The following GOLGA4 variants were observed in gnomAD, a reference collection of about 807,000 sequenced individuals.
The protein encoded by GOLGA4 is golgin subfamily A member 4.
A neutral mutation model predicts 265.9 loss-of-function variants in GOLGA4; 169 were observed. The ratio of observed to expected loss-of-function variants is 0.64; its 90% confidence interval spans 0.56 to 0.72. The LOEUF (loss-of-function observed/expected upper bound fraction) is 0.72, where lower values mean the gene tolerates loss of function less well. Among genes scored for constraint, GOLGA4 ranks in the 30% least tolerant of loss-of-function variants. The probability of loss-of-function intolerance (pLI) is 0.00; values close to 1 mark genes in which losing one functional copy is unlikely to be tolerated. For missense variants in GOLGA4, 2,482 were observed against 2,483.4 expected, an observed-to-expected ratio of 1.00 and a Z score of 0.01; for synonymous variants, 923 against 855.8, an observed-to-expected ratio of 1.08 and a Z score of -1.37.
At chr3:37,244,881 T>C (rs1451543155) in intron 1 of GOLGA4, among the ~76,000 whole-genome samples, 2 of 152,196 alleles carry the variant, frequency 1.3e-5, no homozygotes, top group Admixed American at 1.3e-4. Context: ...CAAAACACTG[T>C]TAATTAAGAA....
chr3:37,334,325 A>C (rs1305335130), intron 16 of GOLGA4, among the ~76,000 whole-genome samples: 1 of 152,222 alleles, frequency 6.6e-6, no homozygotes, highest in South Asian at 2.1e-4. Flanking sequence ...GTTTGAGACA[A>C]AGGAAGTCAT....
rs1000981131 is a variant in GOLGA4, at chr3:37,252,191, C to T, written c.162+707C>T. 3.9e-5 allele frequency among the ~76,000 whole-genome samples: 6 copies of T among 151,990 alleles called. No individual in the cohort carries two copies. The South Asian group carries it at 8.3e-4, about 21-fold the overall frequency. On this transcript the variant is annotated intron_variant, in intron 2 of 23. Transcript: ENST00000361924. ...AAAAAGAAGGTAAAACATAAATGCA[C>T]GGGTCAGCAAATTATCATGAAGTGA... is the stretch of plus-strand genomic sequence containing the variant.
intron 12 of GOLGA4, among the ~76,000 whole-genome samples, chr3:37,320,665 AG>A (rs765799661): frequency 9.8e-5 from 15 of 152,362 alleles, no homozygotes; most frequent in Non-Finnish European, 1.9e-4. Context: ...AAGAAAGTTA[AG>A]GAACAAAGTG....
chr3:37,354,454 AGCTTATGGGT>A (rs2097084673), intron 21 of GOLGA4, among the ~76,000 whole-genome samples: 1 of 151,980 alleles, frequency 6.6e-6, no homozygotes, highest in South Asian at 2.1e-4. Flanking sequence ...ATTTTCCAGG[AGCTTATGGGT>A]GACAGTCTGA....
At chr3:37,365,026 G>A (rs896845292) in intron 23 of GOLGA4, among the ~76,000 whole-genome samples, 1 of 152,082 alleles carries the variant, frequency 6.6e-6, no homozygotes, top group Non-Finnish European at 1.5e-5. Context: ...CTCCTGAGTA[G>A]CTGGGACTAC....
rs569717525 is a variant in GOLGA4 at position 37,254,488 on chromosome 3, G to C, written c.162+3004G>C. Among the ~76,000 whole-genome samples, 3 of 151,962 alleles carry C rather than the reference G, an allele frequency of 2.0e-5. No homozygotes were observed. In the East Asian group the frequency reaches 5.8e-4, roughly 29 times the overall value. ...TTTTAATTGTTTTGTTTTAAAGATT[G>C]TTTTAATTAATTAAAAAATTAATTG... On this transcript the variant is annotated intron_variant, in intron 2 of 23. Transcript: ENST00000361924.
chr3:37,301,759 A>AT (rs1311394338), intron 9 of GOLGA4, among the ~76,000 whole-genome samples: 1 of 151,758 alleles, frequency 6.6e-6, no homozygotes, highest in African/African-American at 2.4e-5. Context: ...AAGAAATATC[A>AT]TTTTTTCTGC....
intron 1 of GOLGA4, among the ~76,000 whole-genome samples, chr3:37,251,113 A>G (rs2096732480): frequency 6.6e-6 from 1 of 152,158 alleles, no homozygotes; most frequent in Admixed American, 6.5e-5. Flanking sequence ...ATCTTACACT[A>G]GTATCGCAAC....
chr3:37,357,801 T>C (rs922481177), intron 22 of GOLGA4, among the ~76,000 whole-genome samples: 4 of 152,210 alleles, frequency 2.6e-5, no homozygotes, highest in African/African-American at 9.6e-5. Context: ...AAAACACAGG[T>C]ATGAAAATGA....
At chr3:37,339,151 C>T (rs796538085) in intron 19 of GOLGA4, among the ~76,000 whole-genome samples, 13 of 152,246 alleles carry the variant, frequency 8.5e-5, no homozygotes, top group South Asian at 4.1e-4. Context: ...CATGAGCCAC[C>T]GTGCCCGGCC....
chr3:37,331,626 T>G (rs10490810), intron 16 of GOLGA4, among the ~76,000 whole-genome samples: 6,386 of 152,284 alleles, frequency 0.042, 187 homozygotes, highest in African/African-American at 0.068. Context: ...TTATCAGATT[T>G]ATGATTTGTC....
chr3:37,325,033 G>T lies in GOLGA4; in HGVS notation c.3147G>T (p.Lys1049Asn), dbSNP rs756630771. The T allele has an allele frequency of 6.2e-7, 1 of 1,612,708 alleles. No homozygotes were observed. Among genetic ancestry groups the T allele is most frequent in the Non-Finnish European group, 8.5e-7 (1 of 1,179,608 alleles). Reference protein sequence around the residue: ...ELNDVISIWEKKLNQQAEELQ... With the variant: ...ELNDVISIWENKLNQQAEELQ... ...ATGATGTCATATCAATCTGGGAAAA[G>T]AAACTTAATCAGCAAGCTGAAGAAC... Residue 1049 changes from lysine to asparagine, a missense_variant, in exon 14 of 24, where the codon AAG becomes AAT. This residue lies in a region of GOLGA4 where 1,536 missense variants were observed against 1,483.7 expected (regional missense o/e 1.04). Transcript: ENST00000361924.
chr3:37,330,242 G>A (rs951168343), intron 16 of GOLGA4, among the ~76,000 whole-genome samples: 8 of 151,732 alleles, frequency 5.3e-5, no homozygotes, highest in African/African-American at 1.9e-4. Flanking sequence ...AGCCAGTTCA[G>A]TGTAGTTAAG....
intron 4 of GOLGA4, 91 bp from the exon 5 acceptor site, chr3:37,289,144 A>G (rs2096858256): frequency 1.4e-6 from 1 of 716,686 alleles, no homozygotes; most frequent in South Asian, 1.9e-5. Context: ...CGGTTGTAAT[A>G]TTTTAAAAAT....
chr3:37,340,159 A>G lies in GOLGA4; in HGVS notation c.6432A>G (p.Glu2144=). The change falls in exon 20 of 24, where the codon GAA becomes GAG. Residue 2144 remains glutamate, a synonymous_variant. Coordinates refer to ENST00000361924, the MANE Select transcript of GOLGA4 (RefSeq NM_002078.5). ...TAGAAGACCGTTTGAAGAAATATGA[A>G]AAGAATGTATATGCAACAACTGTGG... ...HNLEDRLKKY[E]KNVYATTVGT... 7.0e-7 allele frequency: 1 copy of G among 1,435,104 alleles called. No homozygotes were observed. Among genetic ancestry groups the G allele is most frequent in the Non-Finnish European group, 9.7e-7 (1 of 1,030,362 alleles). 88.9% of individuals were successfully genotyped at this position (1,435,104 alleles called of 1,614,324 possible). A position where few individuals can be genotyped will look rare whatever the true frequency, so the allele number is the denominator to read the frequency against.
chr3:37,321,791 G>T lies in GOLGA4; in HGVS notation c.1606G>T (p.Ala536Ser). The T allele has an allele frequency of 6.2e-7, 1 of 1,612,860 alleles. No homozygotes were observed. The highest frequency in any genetic ancestry group is 2.2e-5 in the East Asian group (1 of 44,826). The change falls in exon 13 of 24, where the codon GCC becomes TCC. Residue 536 changes from alanine to serine, a missense_variant. Ala to Ser is a moderately conservative substitution (Grantham distance 99). Coordinates refer to ENST00000361924, the MANE Select transcript of GOLGA4 (RefSeq NM_002078.5). The part of the protein sequence containing the change: ...SQEKEQQESL[A>S]LEELELQKKA... ...AGAAAAAGAACAGCAAGAATCTTTG[G>T]CCCTAGAAGAGTTAGAGTTGCAGAA...
At chr3:37,329,199 T>G (rs1319551311) in intron 16 of GOLGA4, 106 bp downstream of exon 16, 3 of 448,454 alleles carry the variant, frequency 6.7e-6, no homozygotes, top group Admixed American at 5.0e-5. Flanking sequence ...ACGAAAAGGG[T>G]TTTTTTTTTT....
chr3:37,276,433 G>C, intron 2 of GOLGA4: 2 of 1,609,046 alleles, frequency 1.2e-6, no homozygotes, highest in Non-Finnish European at 1.7e-6. Flanking sequence ...CCATCAGAGA[G>C]CATCAGATGG....
At chr3:37,246,479 A>G (rs772549023) in intron 1 of GOLGA4, among the ~76,000 whole-genome samples, 1 of 152,222 alleles carries the variant, frequency 6.6e-6, no homozygotes, top group African/African-American at 2.4e-5. Flanking sequence ...AGCCTTTTCA[A>G]GTACTTCTAA....
Sources: gnomAD v4.1 joint callset for allele counts (sites outside exome capture counted in the v4.1 genomes callset) on GRCh38, gnomAD v4.1.1 for gene constraint, gnomAD v4.1.1 regional missense constraint, MANE v1.5 for transcripts, NCBI Gene and HGNC (gene_info 2026-07-23, HGNC 2026-07-21) for gene names.